Variants in UGT1A10 observed in about 807,000 individuals in gnomAD.
UGT1A10 encodes UDP-glucuronosyltransferase 1A10.
In UGT1A10, 49 loss-of-function variants were observed where a neutral mutation model predicts 45.8. The observed-to-expected ratio is 1.07, with a 90% CI of 0.85 to 1.36. UGT1A10 has a LOEUF of 1.36. UGT1A10 is among the 40% of genes most tolerant of loss of function. UGT1A10 has a pLI of 0.00. For synonymous variants in UGT1A10, 284 were observed against 249.7 expected (o/e 1.14, Z -1.29); for missense variants, 745 against 668.6 (o/e 1.11, Z -1.26).
intron 4 of UGT1A10, 146 bp from the exon 5 acceptor site, chr2:233,772,116 A>C (rs1430946734): frequency 1.3e-6 from 2 of 1,531,304 alleles, no homozygotes; most frequent in Non-Finnish European, 1.8e-6. Flanking sequence ...CTGTATCTAA[A>C]AACAACAACA....
intron 1 of UGT1A10, chr2:233,682,081 C>T (rs140853286): frequency 3.7e-6 from 6 of 1,614,112 alleles, no homozygotes; most frequent in Non-Finnish European, 4.2e-6. Context: ...TGGAGAAACT[C>T]ATCCTCAGGG....
intron 1 of UGT1A10, chr2:233,760,635 A>G (rs1697508597): frequency 6.2e-7 from 1 of 1,614,006 alleles, no homozygotes; most frequent in African/African-American, 1.3e-5. Context: ...ACAAGAAAAT[A>G]AAAAAGGACT....
At chr2:233,759,853 T>C (rs938114684) in intron 1 of UGT1A10, among the ~76,000 whole-genome samples, 15 of 152,176 alleles carry the variant, frequency 9.9e-5, no homozygotes, top group African/African-American at 3.6e-4. Context: ...CAGGTTTCCA[T>C]GGCGAAAGCG....
chr2:233,769,853 G>T lies in UGT1A10; in HGVS notation c.1295+1414G>T. On this transcript the variant is annotated intron_variant, in intron 4 of 4. Transcript: ENST00000344644. This position sits in a 1 kb window ranked among gnomAD's most constrained non-coding sequence, Gnocchi z 4.4. ...AACCTGGGCAACAGAGTGAGACCCT[G>T]TCTCAAAAAAAAAAAAAAAAATGAA... The T allele has an allele frequency of 4.6e-5, 18 of 388,562 alleles. No individual in the cohort carries two copies. The highest frequency in any genetic ancestry group is 9.6e-5 in the East Asian group (2 of 20,776). 24.1% of individuals were successfully genotyped at this position (388,562 alleles called of 1,614,324 possible).
chr2:233,755,070 C>T (rs1695739797), intron 1 of UGT1A10: 5 of 1,336,550 alleles, frequency 3.7e-6, no homozygotes, highest in South Asian at 1.1e-5. Context: ...CTCGCCATAG[C>T]GGTCATAGAT....
intron 1 of UGT1A10, among the ~76,000 whole-genome samples, chr2:233,652,500 A>G (rs905368753): frequency 2.0e-5 from 3 of 152,248 alleles, no homozygotes; most frequent in African/African-American, 4.8e-5. Flanking sequence ...TAAGGAAAAA[A>G]GGAAAATTTG....
chr2:233,649,093 G>T (rs1294190283), intron 1 of UGT1A10: 2 of 843,444 alleles, frequency 2.4e-6, no homozygotes, highest in Non-Finnish European at 3.3e-6. Flanking sequence ...GATTCCTTAC[G>T]GAACTGGGAT....
intron 1 of UGT1A10, among the ~76,000 whole-genome samples, chr2:233,680,391 A>G (rs1243241395): frequency 6.6e-6 from 1 of 152,208 alleles, no homozygotes; most frequent in East Asian, 1.9e-4. Flanking sequence ...TGCAATAGCA[A>G]CAGGAGGTAG....
intron 1 of UGT1A10, among the ~76,000 whole-genome samples, chr2:233,708,081 T>G (rs1171584848): frequency 6.6e-6 from 1 of 152,226 alleles, no homozygotes; most frequent in African/African-American, 2.4e-5. Context: ...CTTTTTACTT[T>G]TATTCAAACG....
chr2:233,650,012 C>T (rs771444427), intron 1 of UGT1A10, among the ~76,000 whole-genome samples: 35 of 152,248 alleles, frequency 2.3e-4, no homozygotes, highest in South Asian at 4.1e-4. Flanking sequence ...CTCTTGTTGT[C>T]GAGGCTGGGG....
chr2:233,690,803 T>G, intron 1 of UGT1A10: 2 of 1,096,684 alleles, frequency 1.8e-6, no homozygotes, highest in East Asian at 7.6e-5. Context: ...ACACACACCA[T>G]TCTTAGTACA....
intron 1 of UGT1A10, among the ~76,000 whole-genome samples, chr2:233,687,583 TAAAAAAAAA>T (rs71398794): frequency 9.3e-6 from 1 of 107,468 alleles, no homozygotes; most frequent in South Asian, 3.0e-4. Flanking sequence ...ACATTCTTTG[TAAAAAAAAA>T]AAAAAAAAAA....
chr2:233,664,879 A>T (rs978645970), intron 1 of UGT1A10, among the ~76,000 whole-genome samples: 6 of 152,182 alleles, frequency 3.9e-5, no homozygotes, highest in African/African-American at 9.6e-5. Context: ...GTGCCACTTC[A>T]TGGACCTCTC....
At position 233,743,978 on chromosome 2, in the gene UGT1A10, C is replaced by T. The variant is rs900800021; in HGVS notation, c.856-23056C>T. On this transcript the variant is annotated intron_variant, in intron 1 of 4. Transcript: ENST00000344644. ...AGCGAGCGGCAAGGCTGCCAGCACC[C>T]AGGCGCAGGCCCGAGTGCTCGGAGA... The T allele has an allele frequency of 2.3e-6, 3 of 1,306,202 alleles. No individual in the cohort carries two copies. The African/African-American group carries it at 4.6e-5, about 20-fold the overall frequency. 80.9% of individuals were successfully genotyped at this position (1,306,202 alleles called of 1,614,324 possible). A position where few individuals can be genotyped will look rare whatever the true frequency, so the allele number is the denominator to read the frequency against.
At chr2:233,756,056 A>G (rs1035647864) in intron 1 of UGT1A10, 1 of 152,220 alleles carries the variant, frequency 6.6e-6, no homozygotes, top group African/African-American at 2.4e-5. Context: ...TCCACTGTAC[A>G]CTTGTGGGAG....
At chr2:233,640,063 G>A (rs1353659498) in intron 1 of UGT1A10, among the ~76,000 whole-genome samples, 1 of 152,190 alleles carries the variant, frequency 6.6e-6, no homozygotes, top group East Asian at 1.9e-4. Flanking sequence ...TGGTTACAGA[G>A]CAAGAAAAGA....
At chr2:233,706,092 C>A (rs1187555358) in intron 1 of UGT1A10, among the ~76,000 whole-genome samples, 1 of 148,852 alleles carries the variant, frequency 6.7e-6, no homozygotes, top group Non-Finnish European at 1.5e-5. Context: ...TAGATTCTGT[C>A]TTAAAAAAAA....
chr2:233,764,152 G>C (rs1467176799), intron 1 of UGT1A10, among the ~76,000 whole-genome samples: 3 of 152,176 alleles, frequency 2.0e-5, no homozygotes, highest in Non-Finnish European at 2.9e-5. Flanking sequence ...ATTTTGGCTG[G>C]TGAAGTCTCA....
At chr2:233,690,433 G>A (rs2125544985) in intron 1 of UGT1A10, 2 of 1,264,100 alleles carry the variant, frequency 1.6e-6, no homozygotes, top group South Asian at 2.5e-5. Context: ...CACATCTTTG[G>A]GTCTCTCCTC....
Sources: gnomAD v4.1 joint callset for allele counts (sites outside exome capture counted in the v4.1 genomes callset) on GRCh38, gnomAD v4.1.1 for gene constraint, Gnocchi (gnomAD v3.1) non-coding constraint, MANE v1.5 for transcripts, NCBI Gene and HGNC (gene_info 2026-07-23, HGNC 2026-07-21) for gene names.